The following EDA variants were observed in gnomAD, a reference collection of about 807,000 sequenced individuals.
The protein encoded by EDA is ectodysplasin-A.
A neutral mutation model predicts 23.6 loss-of-function variants in EDA; 2 were observed. The ratio of observed to expected loss-of-function variants is 0.08; its 90% CI spans 0.03 to 0.27. The LOEUF is 0.27. Ranked by LOEUF, EDA falls within the 10% of genes least tolerant of loss-of-function variation. EDA has a pLI of 1.00. For missense variants in EDA, 229 were observed against 324.2 expected (o/e 0.71, Z 2.26); for synonymous variants, 131 against 132.0 (o/e 0.99, Z 0.05).
intron 1 of EDA, among the ~76,000 whole-genome samples, chrX:69,633,993 G>A (rs1037174777): frequency 5.4e-5 from 6 of 112,088 alleles, no homozygotes; most frequent in African/African-American, 1.9e-4. Flanking sequence ...GTGTATAAGG[G>A]TTCCAGTTTC....
intron 1 of EDA, among the ~76,000 whole-genome samples, chrX:69,785,709 G>T (rs1421439757): frequency 1.9e-5 from 2 of 106,904 alleles, no homozygotes; most frequent in African/African-American, 6.7e-5. Context: ...ATTTTATTGA[G>T]GATTTTTGCA....
chrX:69,618,614 G>C (rs1226917617), intron 1 of EDA, among the ~76,000 whole-genome samples: 1 of 111,411 alleles, frequency 9.0e-6, no homozygotes, highest in Non-Finnish European at 1.9e-5. Flanking sequence ...GATGATAGTT[G>C]CTCTAACTCC....
intron 2 of EDA, among the ~76,000 whole-genome samples, chrX:69,962,680 C>T (rs1053081034): frequency 5.4e-5 from 6 of 111,585 alleles, no homozygotes; most frequent in South Asian, 3.8e-4. Context: ...ATCCTCACGC[C>T]TCGGCCTCCC....
intron 1 of EDA, among the ~76,000 whole-genome samples, chrX:69,867,602 A>G (rs1300252632): frequency 1.8e-5 from 2 of 112,180 alleles, no homozygotes; most frequent in East Asian, 2.8e-4. Context: ...TCCCTTCACC[A>G]CTGTCCTTCA....
At chrX:69,907,210 TA>T (rs760540800) in intron 1 of EDA, among the ~76,000 whole-genome samples, 14 of 112,071 alleles carry the variant, frequency 1.2e-4, no homozygotes, top group African/African-American at 4.5e-4. Context: ...TACATTTTTT[TA>T]AATGATAAGA....
chrX:70,035,425 A>G lies in EDA; in HGVS notation c.992A>G (p.Gln331Arg). 8.3e-7 allele frequency: 1 copy of G among 1,210,114 alleles called. No homozygotes were observed. The highest frequency in any genetic ancestry group is 2.2e-5 in the Admixed American group (1 of 45,885). The change falls in exon 8 of 8, where the codon CAG becomes CGG. Residue 331 changes from glutamine to arginine, a missense_variant. Physicochemically the swap from Gln to Arg is conservative, Grantham distance 43. Around this residue, in one of 2 missense-constraint regions of EDA, gnomAD observed 175 missense variants for 281.8 expected, o/e 0.62. Transcript: ENST00000374552. ...GTGGTGGATGAGAAGCCCTTCCTGCAGTGCACACGCAGCATCGAGACGGGC... is the reference window on the plus strand; with the variant it reads ...GTGGTGGATGAGAAGCCCTTCCTGCGGTGCACACGCAGCATCGAGACGGGC... The part of the protein sequence containing the change: ...EVVVDEKPFL[Q>R]CTRSIETGKT...
At chrX:69,641,403 A>G (rs1188412157) in intron 1 of EDA, among the ~76,000 whole-genome samples, 2 of 111,768 alleles carry the variant, frequency 1.8e-5, no homozygotes, top group African/African-American at 6.5e-5. Flanking sequence ...GTGCATATAT[A>G]CATATATAAT....
intron 1 of EDA, among the ~76,000 whole-genome samples, chrX:69,804,929 G>T (rs781437058): frequency 1.8e-5 from 2 of 111,553 alleles, no homozygotes; most frequent in African/African-American, 3.2e-5. Context: ...TATTGTTATT[G>T]TTGTTTAAGT....
At position 69,957,023 on chromosome X, in the gene EDA, A is replaced by G; in HGVS notation, c.397-4A>G. On this transcript the variant is annotated splice_region_variant and splice_polypyrimidine_tract_variant and intron_variant, in intron 1 of 7. Coordinates refer to ENST00000374552, the MANE Select transcript of EDA (RefSeq NM_001399.5). Reference sequence around the variant, plus strand: ...TTTGACTAATGTACTTGTAATTTTTACAGATGGCCCTATTGAATTTCTTCT... The same window carrying G: ...TTTGACTAATGTACTTGTAATTTTTGCAGATGGCCCTATTGAATTTCTTCT... 1 of 1,207,866 alleles carries G rather than the reference A, an allele frequency of 8.3e-7. No individual in the cohort carries two copies.
chrX:69,655,776 A>G (rs1356673087), intron 1 of EDA, among the ~76,000 whole-genome samples: 1 of 88,169 alleles, frequency 1.1e-5, no homozygotes, highest in Admixed American at 1.3e-4. Flanking sequence ...ATATATATAT[A>G]TATATATATA....
At position 69,949,354 on chromosome X, in the gene EDA, G is replaced by A. The variant is rs541171493; in HGVS notation, c.397-7673G>A. The stretch of plus-strand genomic sequence containing the variant: ...TTAGTCTAAAGGTAATGAACCGATT[G>A]ATAAATGAACAATACAGCTGTTTCT... On this transcript the variant is annotated intron_variant, in intron 1 of 7. Transcript: ENST00000374552. 4.5e-5 allele frequency among the ~76,000 whole-genome samples: 5 copies of A among 111,953 alleles called. No homozygotes were observed. The South Asian group carries it at 1.9e-3, about 42-fold the overall frequency.
At chrX:69,664,546 A>G (rs1423689085) in intron 1 of EDA, among the ~76,000 whole-genome samples, 1 of 112,080 alleles carries the variant, frequency 8.9e-6, no homozygotes, top group Admixed American at 9.5e-5. Context: ...CACCTAATAC[A>G]TCATGCAATA....
intron 1 of EDA, among the ~76,000 whole-genome samples, chrX:69,654,771 G>A (rs1250280120): frequency 1.1e-5 from 1 of 92,947 alleles, no homozygotes; most frequent in Non-Finnish European, 2.1e-5. Context: ...CACAGGAAGG[G>A]GAACATCACA....
intron 1 of EDA, among the ~76,000 whole-genome samples, chrX:69,825,535 T>A (rs1352600315): frequency 1.3e-4 from 12 of 92,182 alleles, no homozygotes; most frequent in African/African-American, 3.0e-4. Context: ...CTGTGGGATC[T>A]GTGGTGATAT....
chrX:69,889,206 G>A (rs1443270749), intron 1 of EDA, among the ~76,000 whole-genome samples: 1 of 105,564 alleles, frequency 9.5e-6, no homozygotes, highest in African/African-American at 3.5e-5. Context: ...GAAGTGCAGT[G>A]GTGCAATCAT....
chrX:69,872,508 G>A (rs937567226), intron 1 of EDA, among the ~76,000 whole-genome samples: 7 of 111,566 alleles, frequency 6.3e-5, no homozygotes, highest in East Asian at 5.6e-4. Context: ...CAGGAGACTC[G>A]CCTAACACAT....
intron 2 of EDA, among the ~76,000 whole-genome samples, chrX:70,006,875 T>C (rs1012099700): frequency 4.5e-5 from 5 of 111,792 alleles, no homozygotes; most frequent in African/African-American, 1.6e-4. Context: ...TCTCCTATGT[T>C]ATCTTATAAG....
chrX:69,806,887 C>G (rs778598898), intron 1 of EDA, among the ~76,000 whole-genome samples: 1 of 110,887 alleles, frequency 9.0e-6, no homozygotes, highest in Admixed American at 9.6e-5. Context: ...GACAGTAGAG[C>G]AAGAAGAGGC....
At chrX:69,734,286 C>T (rs2013165129) in intron 1 of EDA, among the ~76,000 whole-genome samples, 1 of 110,912 alleles carries the variant, frequency 9.0e-6, no homozygotes, top group African/African-American at 3.3e-5. Flanking sequence ...AGAATGATGC[C>T]TCTCTTCTAT....
Sources: gnomAD v4.1 joint callset for allele counts (sites outside exome capture counted in the v4.1 genomes callset) on GRCh38, gnomAD v4.1.1 for gene constraint, gnomAD v4.1.1 regional missense constraint, MANE v1.5 for transcripts, NCBI Gene and HGNC (gene_info 2026-07-23, HGNC 2026-07-21) for gene names.